The following PHF6 variants were observed in gnomAD, a reference collection of about 807,000 sequenced individuals.
The protein encoded by PHF6 is PHD finger protein 6, also known as PHD-like zinc finger protein.
A neutral mutation model predicts 34.0 loss-of-function variants in PHF6; 7 were observed. The observed-to-expected ratio is 0.21, with a 90% CI of 0.12 to 0.39. The LOEUF (loss-of-function observed/expected upper bound fraction) is 0.39, where lower values mean the gene tolerates loss of function less well. Among genes scored for constraint, PHF6 ranks in the 10% least tolerant of loss-of-function variants. PHF6 has a pLI of 1.00. For missense variants in PHF6, 128 were observed against 262.8 expected, an observed-to-expected ratio of 0.49 and a Z score of 3.55; for synonymous variants, 89 against 88.4, an observed-to-expected ratio of 1.01 and a Z score of -0.04.
chrX:134,388,626 C>T (rs2077341262), intron 3 of PHF6, among the ~76,000 whole-genome samples: 1 of 111,761 alleles, frequency 8.9e-6, no homozygotes. Context: ...TGCAGACAGC[C>T]TTTCCTCCAT....
chrX:134,399,352 A>G (rs1040798807), intron 5 of PHF6, among the ~76,000 whole-genome samples: 16 of 111,111 alleles, frequency 1.4e-4, no homozygotes, highest in African/African-American at 5.2e-4. Context: ...AAATCCATAG[A>G]ATGTACCACA....
intron 3 of PHF6, among the ~76,000 whole-genome samples, chrX:134,384,341 A>G (rs1286710300): frequency 8.9e-6 from 1 of 111,854 alleles, no homozygotes; most frequent in Non-Finnish European, 1.9e-5. Context: ...GAAGAATTTC[A>G]ACTCAGATAG....
chrX:134,378,564 A>G lies in PHF6; in HGVS notation c.240+458A>G, dbSNP rs759040955. 3.6e-5 allele frequency among the ~76,000 whole-genome samples: 4 copies of G among 112,519 alleles called. No homozygotes were observed. In the East Asian group the frequency reaches 1.1e-3, roughly 31 times the overall value. On this transcript the variant is annotated intron_variant, in intron 3 of 10. Transcript: ENST00000370803. ...AAGTATTTTACTGTAGTTCAGCTGT[A>G]TAACACAACATTTATGACTTTGGAT...
chrX:134,410,524 C>T (rs1164910731), intron 5 of PHF6, among the ~76,000 whole-genome samples: 9 of 111,972 alleles, frequency 8.0e-5, no homozygotes, highest in African/African-American at 2.9e-4. Flanking sequence ...TATCCTTGAT[C>T]TGTTTTTCCA....
At chrX:134,401,974 T>TTTTGTTTG (rs199723713) in intron 5 of PHF6, among the ~76,000 whole-genome samples, 3 of 108,802 alleles carry the variant, frequency 2.8e-5, no homozygotes, top group African/African-American at 1.0e-4. Context: ...ATTGGTTGTT[T>TTTTGTTTG]TTTGTTTGTT....
rs1459417827 is a variant in PHF6, at chrX:134,415,133, T to C, written c.834+13T>C. The C allele has an allele frequency of 8.3e-7, 1 of 1,207,214 alleles. No individual in the cohort carries two copies. The highest frequency in any genetic ancestry group is 2.2e-5 in the Admixed American group (1 of 45,889). On this transcript the variant is annotated intron_variant, in intron 8 of 10. Coordinates refer to ENST00000370803, the MANE Select transcript of PHF6 (RefSeq NM_001015877.2). ...AGGAAAAAGAATGGTCTGTAGTTTT[T>C]ATATTTGTTATGCAACATTACACTT... is the stretch of plus-strand genomic sequence containing the variant.
chrX:134,382,020 T>A (rs758594684), intron 3 of PHF6, among the ~76,000 whole-genome samples: 1 of 111,508 alleles, frequency 9.0e-6, no homozygotes, highest in Non-Finnish European at 1.9e-5. Context: ...AGGCTAGGGC[T>A]TGAGGTTAAA....
intron 1 of PHF6, among the ~76,000 whole-genome samples, chrX:134,375,299 C>T (rs983930282): frequency 9.0e-6 from 1 of 111,654 alleles, no homozygotes; most frequent in African/African-American, 3.3e-5. Context: ...AGAAAAAATA[C>T]ACTAGAATAT....
At chrX:134,402,562 A>AT (rs1394214341) in intron 5 of PHF6, among the ~76,000 whole-genome samples, 5 of 111,395 alleles carry the variant, frequency 4.5e-5, no homozygotes, top group Admixed American at 9.6e-5. Context: ...AATTTGGGGG[A>AT]TTTTTTTAAA....
chrX:134,402,157 A>G (rs980261848), intron 5 of PHF6, among the ~76,000 whole-genome samples: 1 of 111,303 alleles, frequency 9.0e-6, no homozygotes, highest in Middle Eastern at 4.2e-3. Context: ...CACCACGCCC[A>G]GCTAATTTTT....
intron 5 of PHF6, among the ~76,000 whole-genome samples, chrX:134,408,738 A>G (rs915667851): frequency 6.3e-5 from 7 of 111,934 alleles, no homozygotes; most frequent in Non-Finnish European, 1.1e-4. Context: ...TTTGAAACAG[A>G]GTTTCACTCT....
intron 1 of PHF6, among the ~76,000 whole-genome samples, chrX:134,373,948 GAGGGGGCATAAAGAA>G (rs2077268038): frequency 9.2e-6 from 1 of 109,116 alleles, no homozygotes; most frequent in African/African-American, 3.4e-5. Context: ...ACTCTTGGGG[GAGGGGGCATAAAGAA>G]AGTGGTAGGA....
rs757960741 is a variant in PHF6 at position 134,393,652 on chromosome X, C to CT, written c.374+21dup. 3.0e-5 allele frequency: 35 copies of CT among 1,175,996 alleles called. No individual in the cohort carries two copies. Among genetic ancestry groups the CT allele is most frequent in the Non-Finnish European group, 3.7e-5 (32 of 870,215 alleles). On this transcript the variant is annotated intron_variant, in intron 4 of 10. Transcript: ENST00000370803. ...ATTTACATGTAATTATTTAACTTCT[C>CT]TTTAAGTTTTTTTTTTAACAATAAT...
chrX:134,404,645 C>T (rs915000264), intron 5 of PHF6, among the ~76,000 whole-genome samples: 7 of 111,549 alleles, frequency 6.3e-5, no homozygotes, highest in South Asian at 3.7e-4. Flanking sequence ...AAATCTTTCA[C>T]AAAAGAAAGA....
intron 5 of PHF6, among the ~76,000 whole-genome samples, chrX:134,397,275 G>A (rs751996989): frequency 2.7e-5 from 3 of 112,070 alleles, no homozygotes; most frequent in South Asian, 3.7e-4. Flanking sequence ...TAGAATGCCC[G>A]TCCCAGGAAC....
intron 1 of PHF6, among the ~76,000 whole-genome samples, chrX:134,373,713 G>T (rs1206983983): frequency 9.1e-6 from 1 of 110,185 alleles, no homozygotes; most frequent in Non-Finnish European, 1.9e-5. Context: ...GGGAGGGGGC[G>T]CAACATTTGA....
At chrX:134,421,430 T>C (rs1392899000) in intron 9 of PHF6, among the ~76,000 whole-genome samples, 3 of 112,171 alleles carry the variant, frequency 2.7e-5, no homozygotes, top group African/African-American at 9.7e-5. Flanking sequence ...TTCTGTGGTG[T>C]TTGAATATCT....
In PHF6 at chrX:134,427,617, A is replaced by G. The variant is rs866260473; in HGVS notation, c.*1957A>G. On this transcript the variant is annotated 3_prime_UTR_variant, in exon 11 of 11. Transcript: ENST00000370803. Reference sequence around the variant, plus strand: ...TATGTAGTAAAATGTATGACTTTGTATGGGTTTCTTCAGCCCTTTTTCTGC... The same window carrying G: ...TATGTAGTAAAATGTATGACTTTGTGTGGGTTTCTTCAGCCCTTTTTCTGC... The G allele has an allele frequency of 4.4e-5, 7 of 159,547 alleles. No individual in the cohort carries two copies. Among genetic ancestry groups the G allele is most frequent in the Non-Finnish European group, 4.9e-5 (4 of 82,180 alleles). The allele number at this position is 159,547 out of a possible 1,213,427, so 13.1% of individuals were successfully genotyped here.
intron 9 of PHF6, among the ~76,000 whole-genome samples, chrX:134,423,271 G>A (rs1342184523): frequency 8.9e-6 from 1 of 111,925 alleles, no homozygotes. Flanking sequence ...CATTGCATTT[G>A]ATATGTCTCT....
Sources: gnomAD v4.1 joint callset for allele counts (sites outside exome capture counted in the v4.1 genomes callset) on GRCh38, gnomAD v4.1.1 for gene constraint, MANE v1.5 for transcripts, NCBI Gene and HGNC (gene_info 2026-07-23, HGNC 2026-07-21) for gene names.